NCOR1: variants seen among roughly 807,000 people sequenced by gnomAD.
The protein encoded by NCOR1 is nuclear receptor corepressor 1.
In NCOR1, 63 loss-of-function variants were observed where a neutral mutation model predicts 288.1. The observed-to-expected ratio is 0.22, with a 90% CI of 0.18 to 0.27. NCOR1 has a LOEUF of 0.27. Ranked by LOEUF, NCOR1 falls within the 10% of genes least tolerant of loss-of-function variation. NCOR1 has a pLI of 1.00. For synonymous variants in NCOR1, 1,007 were observed against 1,065.9 expected (o/e 0.94, Z 1.08); for missense variants, 2,397 against 3,019.2 (o/e 0.79, Z 4.83).
chr17:16,080,155 TAAG>T (rs2063180345), intron 25 of NCOR1, 91 bp from the exon 26 acceptor site: 7 of 1,059,586 alleles, frequency 6.6e-6, no homozygotes, highest in Middle Eastern at 2.1e-4. Flanking sequence ...AGTACTCAAC[TAAG>T]AAGAAAAGAA....
intron 40 of NCOR1, among the ~76,000 whole-genome samples, chr17:16,051,498 G>A (rs8079698): frequency 0.049 from 7,400 of 152,270 alleles, 208 homozygotes; most frequent in African/African-American, 0.088. Context: ...CTAAGGCAGT[G>A]TTGACAGGGA....
At chr17:16,035,818 A>G (rs767880281) in intron 44 of NCOR1, among the ~76,000 whole-genome samples, 12 of 152,136 alleles carry the variant, frequency 7.9e-5, no homozygotes, top group Non-Finnish European at 1.6e-4. Flanking sequence ...CTGGGATTAC[A>G]GGCATGAGTC....
chr17:16,191,027 C>G (rs1354713036), intron 2 of NCOR1, among the ~76,000 whole-genome samples: 1 of 152,180 alleles, frequency 6.6e-6, no homozygotes, highest in Non-Finnish European at 1.5e-5. Flanking sequence ...ACTGAACTTC[C>G]AGAAGTTAGT....
intron 42 of NCOR1, chr17:16,044,656 A>G: frequency 1.5e-6 from 1 of 651,960 alleles, no homozygotes; most frequent in South Asian, 1.4e-5. Context: ...GCATCTACTC[A>G]GCCCTCACTC....
chr17:16,159,014 A>C (rs2153419096), intron 5 of NCOR1, 141 bp from the exon 6 acceptor site: 3 of 487,636 alleles, frequency 6.2e-6, no homozygotes, highest in Middle Eastern at 1.1e-3. Flanking sequence ...GGTCTCATGG[A>C]CCAAGAGCTC....
intron 11 of NCOR1, 51 bp from the exon 12 acceptor site, chr17:16,139,237 A>T: frequency 6.6e-7 from 1 of 1,519,110 alleles, no homozygotes; most frequent in Non-Finnish European, 9.0e-7. Flanking sequence ...TAGAAATTTA[A>T]GGAGGGCCAT....
chr17:16,189,118 GCATGGTAGCTCACACCTGTA>G (rs1372358678), intron 2 of NCOR1, among the ~76,000 whole-genome samples: 1 of 152,096 alleles, frequency 6.6e-6, no homozygotes, highest in Non-Finnish European at 1.5e-5. Context: ...AGCAGGCCGG[GCATGGTAGCTCACACCTGTA>G]ATCTTAGCAC....
Position 16,061,433 on chromosome 17 carries a change from C to T in NCOR1, c.5849G>A (p.Arg1950His), listed in dbSNP as rs945824338. 5.0e-6 allele frequency: 8 copies of T among 1,614,104 alleles called. No individual in the cohort carries two copies. The African/African-American group carries it at 6.7e-5, about 13-fold the overall frequency. The change falls in exon 37 of 46, where the codon CGT (arginine) becomes CAT (histidine). Residue 1950 changes from arginine (R) to histidine (H), a missense_variant. Arg to His is a conservative substitution (Grantham distance 29, BLOSUM62 0). Coordinates refer to ENST00000268712, the MANE Select transcript of NCOR1 (RefSeq NM_006311.4). ...QIASDKDARE[R>H]GSQSSDSSSS... Reference sequence around the variant, plus strand: ...AGAAGAGTCTGAACTTTGAGAGCCACGTTCCCTCGCATCCTTGTCCGAGGC... The same window carrying T: ...AGAAGAGTCTGAACTTTGAGAGCCATGTTCCCTCGCATCCTTGTCCGAGGC...
chr17:16,190,771 C>T (rs2088070096), intron 2 of NCOR1, among the ~76,000 whole-genome samples: 1 of 152,226 alleles, frequency 6.6e-6, no homozygotes, highest in Non-Finnish European at 1.5e-5. Context: ...GAATTACCTT[C>T]CCACAGTCAA....
At chr17:16,104,765 C>G (rs1274957840) in intron 19 of NCOR1, among the ~76,000 whole-genome samples, 1 of 151,970 alleles carries the variant, frequency 6.6e-6, no homozygotes, top group East Asian at 1.9e-4. Flanking sequence ...CAGAGTGAGA[C>G]CCTGTCTCAA....
chr17:16,175,492 C>G (rs928678145), intron 3 of NCOR1, among the ~76,000 whole-genome samples: 2 of 152,070 alleles, frequency 1.3e-5, no homozygotes, highest in African/African-American at 4.8e-5. Context: ...TTACAAAACA[C>G]ATTTAAATAA....
rs1188861727 is a variant in NCOR1, at chr17:16,127,207, A to ATATATCTGTATGTATATATACATGTATG, written c.1510-1029_1510-1002dup. ...TCTGTATGTATATATACATGTATGTATATATCTGTATGTATATATACATGT... is the reference window on the plus strand; with the variant it reads ...TCTGTATGTATATATACATGTATGTATATATCTGTATGTATATATACATGTATGTATATCTGTATGTATATATACATGT... On this transcript the variant is annotated intron_variant, in intron 14 of 45. Coordinates refer to ENST00000268712, the MANE Select transcript of NCOR1 (RefSeq NM_006311.4). 1.0e-4 allele frequency among the ~76,000 whole-genome samples: 15 copies of ATATATCTGTATGTATATATACATGTATG among 145,966 alleles called. 3 individuals are homozygous for ATATATCTGTATGTATATATACATGTATG. Among genetic ancestry groups the ATATATCTGTATGTATATATACATGTATG allele is most frequent in the Non-Finnish European group, 1.9e-4 (13 of 66,844 alleles).
rs117082461 is a variant in NCOR1, at chr17:16,208,007, C to G, written c.-71+7355G>C. 7.2e-3 allele frequency among the ~76,000 whole-genome samples: 1,070 copies of G among 147,620 alleles called. 17 individuals carry two copies. Among genetic ancestry groups the G allele is most frequent in the East Asian group, 0.047 (238 of 5,076 alleles). On this transcript the variant is annotated intron_variant, in intron 1 of 45. Transcript: ENST00000268712. ...GGGAGTCCTGAATTCTATTATAATCCTATCAACCAACCGTTCCATATTTCT... is the reference window on the plus strand; with the variant it reads ...GGGAGTCCTGAATTCTATTATAATCGTATCAACCAACCGTTCCATATTTCT...
intron 40 of NCOR1, among the ~76,000 whole-genome samples, chr17:16,052,629 A>G (rs2059451832): frequency 6.6e-6 from 1 of 152,220 alleles, no homozygotes; most frequent in African/African-American, 2.4e-5. Context: ...CACCCAAAAA[A>G]AGCCCATGAC....
intron 21 of NCOR1, among the ~76,000 whole-genome samples, chr17:16,093,866 G>C (rs954346213): frequency 2.6e-5 from 4 of 152,164 alleles, no homozygotes; most frequent in Admixed American, 6.5e-5. Flanking sequence ...TAACCTAATA[G>C]AGCATCGCAT....
At chr17:16,067,111 T>C (rs2061215683) in intron 32 of NCOR1, among the ~76,000 whole-genome samples, 2 of 152,204 alleles carry the variant, frequency 1.3e-5, no homozygotes, top group Admixed American at 1.3e-4. Context: ...TACCAACCGA[T>C]GTGACTGCTC....
At chr17:16,055,726 C>A (rs1290438859) in intron 40 of NCOR1, among the ~76,000 whole-genome samples, 4 of 152,198 alleles carry the variant, frequency 2.6e-5, no homozygotes. Context: ...TGTTTTCTAA[C>A]ACCACAGATT....
intron 44 of NCOR1, among the ~76,000 whole-genome samples, chr17:16,036,468 G>C (rs2056393055): frequency 6.6e-6 from 1 of 152,214 alleles, no homozygotes; most frequent in South Asian, 2.1e-4. Flanking sequence ...TAACAAGAGA[G>C]TCAGCCTGTC....
intron 43 of NCOR1, 149 bp downstream of exon 43, chr17:16,040,292 G>C: frequency 1.4e-6 from 1 of 733,570 alleles, no homozygotes; most frequent in East Asian, 2.7e-5. Context: ...GTGCTACTGG[G>C]TAAACCTTCC....
Sources: allele counts gnomAD v4.1 joint callset (sites outside exome capture counted in the v4.1 genomes callset), GRCh38; gene constraint gnomAD v4.1.1; transcripts MANE v1.5; gene names NCBI Gene and HGNC (gene_info 2026-07-23, HGNC 2026-07-21).